The following TMEM144 variants were observed in gnomAD, a reference collection of about 807,000 sequenced individuals.
The protein encoded by TMEM144 is transmembrane protein 144.
A neutral mutation model predicts 43.6 loss-of-function variants in TMEM144; 39 were observed. The observed-to-expected ratio is 0.90, with a 90% CI of 0.69 to 1.17. The LOEUF (loss-of-function observed/expected upper bound fraction) is 1.17, where lower values mean the gene tolerates loss of function less well. Among genes scored for constraint, TMEM144 ranks in the 50% most tolerant of loss-of-function variants. TMEM144 has a pLI of 0.00. For missense variants in TMEM144, 417 were observed against 411.9 expected, an observed-to-expected ratio of 1.01 and a Z score of -0.11; for synonymous variants, 154 against 133.6, an observed-to-expected ratio of 1.15 and a Z score of -1.06.
intron 3 of TMEM144, 87 bp downstream of exon 3, chr4:158,212,863 ATAAATCATG>A (rs1348265468): frequency 1.9e-6 from 2 of 1,050,152 alleles, no homozygotes; most frequent in Non-Finnish European, 2.9e-6. Context: ...AGCTACAAAA[ATAAATCATG>A]TTGATCTTGA....
chr4:158,235,617 A>C lies in TMEM144; in HGVS notation c.563+112A>C, dbSNP rs868621379. On this transcript the variant is annotated intron_variant, in intron 8 of 12. Coordinates refer to ENST00000296529, the MANE Select transcript of TMEM144 (RefSeq NM_018342.5). ...AGTTCAAGAAGAAAATTGTAATGCA[A>C]GCTTTGACTTCTATCTCCATGCGGC... 3.3e-5 allele frequency: 37 copies of C among 1,110,066 alleles called. No homozygotes were observed. In the African/African-American group the frequency reaches 4.9e-4, roughly 15 times the overall value. 68.8% of individuals were successfully genotyped at this position (1,110,066 alleles called of 1,614,324 possible).
chr4:158,235,689 G>T (rs1735309427), intron 8 of TMEM144, 184 bp downstream of exon 8: 3 of 484,868 alleles, frequency 6.2e-6, no homozygotes, highest in Non-Finnish European at 7.3e-6. Context: ...ATGCCCTTGA[G>T]CTCAACTGCT....
intron 12 of TMEM144, among the ~76,000 whole-genome samples, chr4:158,250,195 C>CATATAAATAAATATATATATATATATAT (rs1736126558): frequency 7.4e-6 from 1 of 135,540 alleles, no homozygotes; most frequent in Non-Finnish European, 1.6e-5. Flanking sequence ...TAATACATAA[C>CATATAAATAAATATATATATATATATAT]ATATATATAT....
In TMEM144 at chr4:158,254,020, T is replaced by A. The variant is rs1259085820; in HGVS notation, c.*493T>A. 1 of 152,422 alleles carries A rather than the reference T, an allele frequency of 6.6e-6. No individual in the cohort carries two copies. Among genetic ancestry groups the A allele is most frequent in the East Asian group, 1.9e-4 (1 of 5,200 alleles). The allele number at this position is 152,422 out of a possible 1,614,324, so 9.4% of individuals were successfully genotyped here. The stretch of plus-strand genomic sequence containing the variant: ...TTGTTTCATAAAGTAAATGCATAGT[T>A]GGTAACTAAATGTTAAAAAGGCCAT... On this transcript the variant is annotated 3_prime_UTR_variant, in exon 13 of 13. Transcript: ENST00000296529.
chr4:158,251,281 C>G (rs552720648), intron 12 of TMEM144, among the ~76,000 whole-genome samples: 1 of 152,226 alleles, frequency 6.6e-6, no homozygotes, highest in East Asian at 1.9e-4. Context: ...GATGACCCAC[C>G]CTTGGGACCC....
chr4:158,252,413 G>A (rs905399444), intron 12 of TMEM144, among the ~76,000 whole-genome samples: 1 of 152,020 alleles, frequency 6.6e-6, no homozygotes, highest in Non-Finnish European at 1.5e-5. Flanking sequence ...CCTCCTAATT[G>A]GTCTCCTTGC....
At chr4:158,238,652 T>G (rs1185270047) in intron 9 of TMEM144, among the ~76,000 whole-genome samples, 1 of 152,174 alleles carries the variant, frequency 6.6e-6, no homozygotes, top group Non-Finnish European at 1.5e-5. Context: ...TCTAAAAACT[T>G]TATACTACAT....
rs777969600 is a variant in TMEM144 at position 158,212,741 on chromosome 4, A to AT, written c.78dup (p.Val27CysfsTer4). 6.2e-7 allele frequency: 1 copy of AT among 1,613,876 alleles called. No individual in the cohort carries two copies. The highest frequency in any genetic ancestry group is 1.1e-5 in the South Asian group (1 of 91,060). On this transcript the variant is annotated frameshift_variant, in exon 3 of 13. Transcript: ENST00000296529. LOFTEE classifies it high-confidence loss of function. ...GTAGCTATCCTTTTGTTTGGCTCAA[A>AT]TTTTGTGCCACTTAAAAAATTTGAT...
intron 12 of TMEM144, 54 bp downstream of exon 12, chr4:158,244,403 G>A: frequency 6.8e-7 from 1 of 1,467,762 alleles, no homozygotes; most frequent in Admixed American, 1.7e-5. Context: ...GGCCGGGCGT[G>A]GTGGCTCACG....
At chr4:158,246,218 CTTTTA>C (rs1447370380) in intron 12 of TMEM144, among the ~76,000 whole-genome samples, 1 of 152,130 alleles carries the variant, frequency 6.6e-6, no homozygotes, top group Non-Finnish European at 1.5e-5. Flanking sequence ...TGCAAATACT[CTTTTA>C]TAAGAATTTT....
intron 7 of TMEM144, chr4:158,234,980 T>A (rs923028240): frequency 1.3e-5 from 2 of 152,762 alleles, no homozygotes; most frequent in Admixed American, 1.3e-4. Flanking sequence ...CTCATAATTT[T>A]TCCTGGCTTA....
chr4:158,241,985 T>C (rs1466793630), intron 11 of TMEM144, among the ~76,000 whole-genome samples: 1 of 152,242 alleles, frequency 6.6e-6, no homozygotes, highest in African/African-American at 2.4e-5. Flanking sequence ...AACAATATCC[T>C]TCACAAAACT....
At position 158,237,543 on chromosome 4, in the gene TMEM144, G is replaced by A; in HGVS notation, c.582G>A (p.Val194=). The change falls in exon 9 of 13, where the codon GTG becomes GTA. Residue 194 remains valine, a synonymous_variant. Transcript: ENST00000296529. ...HHRIVGCSLA[V]ISGVLYGSTF... ...TTGTAAGGGGCTGCAGTCTTGCAGT[G>A]ATATCTGGAGTACTCTATGGATCTA... 1 of 1,613,176 alleles carries A rather than the reference G, an allele frequency of 6.2e-7. No homozygotes were observed. The highest frequency in any genetic ancestry group is 1.1e-5 in the South Asian group (1 of 90,914).
chr4:158,244,064 T>C (rs1346282866), intron 11 of TMEM144, among the ~76,000 whole-genome samples: 1 of 152,138 alleles, frequency 6.6e-6, no homozygotes, highest in African/African-American at 2.4e-5. Context: ...CAAAATATTA[T>C]AGCATCATCA....
rs1456391158 is a variant in TMEM144 at position 158,241,821 on chromosome 4, C to T, written c.900+215C>T. On this transcript the variant is annotated intron_variant, in intron 11 of 12. Coordinates refer to ENST00000296529, the MANE Select transcript of TMEM144 (RefSeq NM_018342.5). ...CCTCATTTTAGCAGGGCTGTTACTC[C>T]TTAATCTTTAATATCCTTGCAGTTT... is the stretch of plus-strand genomic sequence containing the variant. 2.0e-5 allele frequency among the ~76,000 whole-genome samples: 3 copies of T among 152,144 alleles called. 1 individual carries two copies. The highest frequency in any genetic ancestry group is 7.2e-5 in the African/African-American group (3 of 41,418).
At chr4:158,237,295 G>A in intron 8 of TMEM144, 2 of 432,854 alleles carry the variant, frequency 4.6e-6, no homozygotes, top group Non-Finnish European at 8.2e-6. Flanking sequence ...TATAAATCAT[G>A]TACTTCTAAA....
At position 158,219,255 on chromosome 4, in the gene TMEM144, T is replaced by C. The variant is rs534887567; in HGVS notation, c.333-55T>C. The C allele has an allele frequency of 1.9e-6, 3 of 1,579,860 alleles. No individual in the cohort carries two copies. In the East Asian group the frequency reaches 6.7e-5, roughly 35 times the overall value. On this transcript the variant is annotated intron_variant, in intron 5 of 12. Coordinates refer to ENST00000296529, the MANE Select transcript of TMEM144 (RefSeq NM_018342.5). ...GGCCCCTAGTCCATGCCCTTAAACATTATGGTGAAACATCTTAACAATATT... is the reference window on the plus strand; with the variant it reads ...GGCCCCTAGTCCATGCCCTTAAACACTATGGTGAAACATCTTAACAATATT...
chr4:158,224,178 T>C (rs1309329397), intron 6 of TMEM144, among the ~76,000 whole-genome samples: 1 of 152,224 alleles, frequency 6.6e-6, no homozygotes, highest in Admixed American at 6.5e-5. Context: ...TTGAGCTTTT[T>C]TCATGTTTGT....
chr4:158,221,800 C>T (rs1185179803), intron 6 of TMEM144, among the ~76,000 whole-genome samples: 1 of 152,124 alleles, frequency 6.6e-6, no homozygotes, highest in African/African-American at 2.4e-5. Flanking sequence ...CCAAACTACA[C>T]ATCTCTACAC....
Sources: allele counts gnomAD v4.1 joint callset (sites outside exome capture counted in the v4.1 genomes callset), GRCh38; gene constraint gnomAD v4.1.1; transcripts MANE v1.5; gene names NCBI Gene and HGNC (gene_info 2026-07-23, HGNC 2026-07-21).